Variants in GPR176 observed in about 807,000 individuals in gnomAD.
GPR176 encodes the protein G-protein coupled receptor 176.
In GPR176, 26 loss-of-function variants were observed where a neutral mutation model predicts 35.4. The observed-to-expected ratio is 0.74, with a 90% CI of 0.54 to 1.02. The LOEUF (loss-of-function observed/expected upper bound fraction) is 1.02, where lower values mean the gene tolerates loss of function less well. Among genes scored for constraint, GPR176 ranks in the 50% least tolerant of loss-of-function variants. The probability of loss-of-function intolerance (pLI) is 0.00; values close to 1 mark genes in which losing one functional copy is unlikely to be tolerated. For missense variants in GPR176, 597 were observed against 665.3 expected (o/e 0.90, Z 1.13); for synonymous variants, 278 against 271.3 (o/e 1.02, Z -0.24).
intron 2 of GPR176, among the ~76,000 whole-genome samples, chr15:39,804,386 T>A (rs537866095): frequency 1.8e-4 from 28 of 152,332 alleles, no homozygotes; most frequent in African/African-American, 6.7e-4. Context: ...AATAACAAAA[T>A]AGGAATTCAC....
At chr15:39,917,464 T>A (rs1364388989) in intron 1 of GPR176, among the ~76,000 whole-genome samples, 1 of 149,726 alleles carries the variant, frequency 6.7e-6, no homozygotes, top group Non-Finnish European at 1.5e-5. Context: ...GCCTCCCGAG[T>A]GGCTGGGATT....
intron 1 of GPR176, among the ~76,000 whole-genome samples, chr15:39,863,364 A>T (rs541621948): frequency 6.6e-5 from 10 of 151,744 alleles, no homozygotes; most frequent in East Asian, 3.9e-4. Flanking sequence ...AAAAATTTTT[A>T]AAATAATTTT....
At chr15:39,838,267 C>T (rs1302930883) in intron 1 of GPR176, among the ~76,000 whole-genome samples, 1 of 152,096 alleles carries the variant, frequency 6.6e-6, no homozygotes, top group African/African-American at 2.4e-5. Flanking sequence ...TCTTCTGATG[C>T]TCCCTCAAAA....
At chr15:39,865,122 C>A (rs1000414705) in intron 1 of GPR176, among the ~76,000 whole-genome samples, 2 of 151,920 alleles carry the variant, frequency 1.3e-5, no homozygotes, top group African/African-American at 2.4e-5. Flanking sequence ...TGAGTATAAC[C>A]TCTATGGAAA....
chr15:39,813,014 C>T (rs1358266936), intron 1 of GPR176, among the ~76,000 whole-genome samples: 3 of 152,164 alleles, frequency 2.0e-5, no homozygotes, highest in Non-Finnish European at 4.4e-5. Flanking sequence ...GAATTACAGG[C>T]ATGAGCCACC....
intron 1 of GPR176, among the ~76,000 whole-genome samples, chr15:39,911,377 A>C (rs1373776286): frequency 6.6e-6 from 1 of 152,254 alleles, no homozygotes; most frequent in Non-Finnish European, 1.5e-5. Context: ...GCTTAATCTG[A>C]AAGTTTTTCA....
intron 1 of GPR176, among the ~76,000 whole-genome samples, chr15:39,912,783 G>C (rs1443241831): frequency 1.3e-5 from 2 of 152,098 alleles, no homozygotes; most frequent in East Asian, 3.9e-4. Flanking sequence ...CATCCCACAG[G>C]AAAACATAGC....
intron 1 of GPR176, among the ~76,000 whole-genome samples, chr15:39,837,482 T>A (rs1247694925): frequency 6.6e-6 from 1 of 152,172 alleles, no homozygotes; most frequent in Non-Finnish European, 1.5e-5. Flanking sequence ...GCTTTAAGGA[T>A]CCATTTCCAA....
chr15:39,850,596 G>A (rs1436495006), intron 1 of GPR176, among the ~76,000 whole-genome samples: 3 of 152,232 alleles, frequency 2.0e-5, no homozygotes, highest in Non-Finnish European at 4.4e-5. Flanking sequence ...GGAAGTAGGT[G>A]TGGTTATAAA....
intron 1 of GPR176, among the ~76,000 whole-genome samples, chr15:39,814,033 T>C (rs1899740471): frequency 6.6e-6 from 1 of 152,206 alleles, no homozygotes. Context: ...CTCACTAAAA[T>C]GTTTGCAACC....
chr15:39,813,788 G>A (rs1441330259), intron 1 of GPR176, among the ~76,000 whole-genome samples: 1 of 151,930 alleles, frequency 6.6e-6, no homozygotes, highest in Non-Finnish European at 1.5e-5. Context: ...TTATATTGAT[G>A]GGTTTTATAA....
chr15:39,837,028 TC>T (rs1220562465), intron 1 of GPR176, among the ~76,000 whole-genome samples: 5 of 152,084 alleles, frequency 3.3e-5, no homozygotes, highest in African/African-American at 1.2e-4. Context: ...TAAAGTCAAT[TC>T]TTTAAAAAAT....
intron 1 of GPR176, among the ~76,000 whole-genome samples, chr15:39,857,751 A>G (rs563407706): frequency 9.9e-5 from 15 of 152,030 alleles, no homozygotes; most frequent in Middle Eastern, 3.4e-3. Flanking sequence ...GGCGGATCAC[A>G]AGGTCAGGAG....
chr15:39,883,351 G>A (rs900148388), intron 1 of GPR176, among the ~76,000 whole-genome samples: 3 of 151,592 alleles, frequency 2.0e-5, no homozygotes, highest in Admixed American at 6.6e-5. Flanking sequence ...TATGAGAAAC[G>A]TTTACTATTA....
chr15:39,914,035 G>C (rs1225813334), intron 1 of GPR176, among the ~76,000 whole-genome samples: 3 of 152,118 alleles, frequency 2.0e-5, no homozygotes, highest in East Asian at 3.9e-4. Context: ...AACAGAGTGA[G>C]ACTCAGTCTC....
chr15:39,889,737 G>C (rs1312964217), intron 1 of GPR176, among the ~76,000 whole-genome samples: 3 of 152,190 alleles, frequency 2.0e-5, no homozygotes, highest in African/African-American at 7.2e-5. Flanking sequence ...AAACTCCTTG[G>C]AGGTAAGGAC....
chr15:39,806,873 A>ATTCCCTT, intron 2 of GPR176, 133 bp downstream of exon 2: 2 of 767,318 alleles, frequency 2.6e-6, no homozygotes, highest in African/African-American at 1.8e-5. Flanking sequence ...TTGCACATTT[A>ATTCCCTT]TTCCCTTTCT....
intron 2 of GPR176, 95 bp from the exon 3 acceptor site, chr15:39,802,349 C>T: frequency 1.0e-6 from 1 of 988,490 alleles, no homozygotes; most frequent in Non-Finnish European, 1.5e-6. Context: ...GAAGAAAGGT[C>T]AAGTTCTTCT....
intron 1 of GPR176, among the ~76,000 whole-genome samples, chr15:39,918,008 G>C (rs189962374): frequency 5.0e-5 from 7 of 139,480 alleles, no homozygotes; most frequent in Admixed American, 1.5e-4. Context: ...TCATGCCATT[G>C]CACTCCAGCC....
Sources: allele counts gnomAD v4.1 joint callset (sites outside exome capture counted in the v4.1 genomes callset), GRCh38; gene constraint gnomAD v4.1.1; transcripts MANE v1.5; gene names NCBI Gene and HGNC (gene_info 2026-07-23, HGNC 2026-07-21).